FGF14: variants seen among roughly 807,000 people sequenced by gnomAD.
FGF14 encodes fibroblast growth factor homologous factor 4.
A neutral mutation model predicts 25.5 loss-of-function variants in FGF14; 5 were observed. That is an observed-to-expected ratio of 0.20 (90% CI 0.10 to 0.41). FGF14 has a LOEUF of 0.41. Among genes scored for constraint, FGF14 ranks in the 10% least tolerant of loss-of-function variants. The pLI is 1.00. For synonymous variants in FGF14, 138 were observed against 118.3 expected (o/e 1.17, Z -1.08); for missense variants, 222 against 320.1 (o/e 0.69, Z 2.34).
intron 3 of FGF14, among the ~76,000 whole-genome samples, chr13:101,804,142 G>A (rs1200898737): frequency 6.6e-6 from 1 of 152,224 alleles, no homozygotes; most frequent in Non-Finnish European, 1.5e-5. Context: ...TATGTCTACG[G>A]TTACTTCAAA....
intron 3 of FGF14, among the ~76,000 whole-genome samples, chr13:101,788,259 G>A (rs1019694264): frequency 2.0e-5 from 3 of 152,112 alleles, no homozygotes; most frequent in East Asian, 1.9e-4. Flanking sequence ...AGGGCAGGGT[G>A]ACCCAGTGAT....
intron 3 of FGF14, among the ~76,000 whole-genome samples, chr13:101,763,632 G>A (rs1414974571): frequency 6.6e-6 from 1 of 152,114 alleles, no homozygotes. Context: ...GCCAAGGCAG[G>A]TGGATCACCT....
intron 1 of FGF14, among the ~76,000 whole-genome samples, chr13:102,052,464 A>G (rs189537561): frequency 5.1e-4 from 78 of 151,906 alleles, no homozygotes; most frequent in African/African-American, 1.7e-3. Flanking sequence ...TGGATTTCTG[A>G]AAATTTTTGA....
chr13:102,339,535 G>A (rs1357180510), intron 1 of FGF14, among the ~76,000 whole-genome samples: 2 of 152,158 alleles, frequency 1.3e-5, no homozygotes, highest in African/African-American at 4.8e-5. Context: ...TCCAAGGGGT[G>A]AGGTGAGAGC....
chr13:102,307,546 C>CT (rs1475934285), intron 1 of FGF14, among the ~76,000 whole-genome samples: 1 of 152,054 alleles, frequency 6.6e-6, no homozygotes, highest in Non-Finnish European at 1.5e-5. Flanking sequence ...TTTTTATGAA[C>CT]TTTTAAGACT....
intron 1 of FGF14, among the ~76,000 whole-genome samples, chr13:102,189,107 GAGAT>G (rs796268731): frequency 3.9e-4 from 59 of 150,214 alleles, no homozygotes; most frequent in South Asian, 1.3e-3. Context: ...GAGGGAGAGA[GAGAT>G]AGAGAGAGAG....
chr13:101,854,636 A>G (rs538868779), intron 3 of FGF14, among the ~76,000 whole-genome samples: 109 of 152,198 alleles, frequency 7.2e-4, no homozygotes, highest in African/African-American at 2.5e-3. Flanking sequence ...TCATGTTGTA[A>G]AAAGTCATTC....
chr13:101,838,086 G>T (rs2043011580), intron 3 of FGF14, among the ~76,000 whole-genome samples: 1 of 151,928 alleles, frequency 6.6e-6, no homozygotes, highest in African/African-American at 2.4e-5. Flanking sequence ...TCCTCAGCTT[G>T]CAGAAGGCCT....
At chr13:102,393,269 C>T (rs1415933400) in intron 1 of FGF14, among the ~76,000 whole-genome samples, 1 of 152,164 alleles carries the variant, frequency 6.6e-6, no homozygotes, top group Non-Finnish European at 1.5e-5. Flanking sequence ...GTCTTTCCTG[C>T]TAATTCCTTG....
chr13:101,787,005 C>T (rs2039874111), intron 3 of FGF14, among the ~76,000 whole-genome samples: 1 of 152,138 alleles, frequency 6.6e-6, no homozygotes, highest in East Asian at 1.9e-4. Context: ...TTCTAACATA[C>T]AATCTGTCTT....
At chr13:102,317,981 T>C (rs577109222) in intron 1 of FGF14, among the ~76,000 whole-genome samples, 1 of 152,300 alleles carries the variant, frequency 6.6e-6, no homozygotes, top group East Asian at 1.9e-4. Flanking sequence ...ACCATAGACA[T>C]CGGCCCCAGT....
intron 1 of FGF14, among the ~76,000 whole-genome samples, chr13:102,078,529 T>C (rs1317737204): frequency 2.6e-5 from 4 of 152,152 alleles, no homozygotes; most frequent in Non-Finnish European, 4.4e-5. Flanking sequence ...GCAATCTGTA[T>C]CGTAATGCAG....
intron 1 of FGF14, among the ~76,000 whole-genome samples, chr13:102,297,325 A>C (rs1448592019): frequency 2.6e-5 from 4 of 152,158 alleles, no homozygotes; most frequent in African/African-American, 4.8e-5. Flanking sequence ...GACCCCTAAA[A>C]AGACAGACGA....
At chr13:102,016,710 T>C (rs984521807) in intron 1 of FGF14, among the ~76,000 whole-genome samples, 3 of 152,176 alleles carry the variant, frequency 2.0e-5, no homozygotes, top group African/African-American at 7.2e-5. Flanking sequence ...GGCCTTGAAC[T>C]CCTGGGCTCA....
chr13:102,082,299 C>G (rs970499032), intron 1 of FGF14, among the ~76,000 whole-genome samples: 1 of 149,768 alleles, frequency 6.7e-6, no homozygotes, highest in African/African-American at 2.5e-5. Flanking sequence ...CACAACTATT[C>G]CTTAGCATTA....
intron 1 of FGF14, among the ~76,000 whole-genome samples, chr13:102,110,838 C>T (rs1181674230): frequency 6.6e-6 from 1 of 151,972 alleles, no homozygotes; most frequent in East Asian, 1.9e-4. Flanking sequence ...CCTTTTTTGC[C>T]TCTCCTGCCT....
chr13:102,118,658 A>G (rs569171785), intron 1 of FGF14, among the ~76,000 whole-genome samples: 6 of 152,154 alleles, frequency 3.9e-5, no homozygotes, highest in Non-Finnish European at 8.8e-5. Flanking sequence ...AAAATTCACT[A>G]TATTTCCTTC....
intron 1 of FGF14, among the ~76,000 whole-genome samples, chr13:102,067,285 G>A (rs2042942842): frequency 6.6e-6 from 1 of 152,100 alleles, no homozygotes; most frequent in Non-Finnish European, 1.5e-5. Flanking sequence ...TGACCACTCA[G>A]CTACAGTGAC....
intron 1 of FGF14, among the ~76,000 whole-genome samples, chr13:101,912,807 C>T (rs1318283211): frequency 1.3e-5 from 2 of 152,026 alleles, no homozygotes; most frequent in Non-Finnish European, 2.9e-5. Flanking sequence ...AGTTAGATCA[C>T]TCTGGTTCAA....
Sources: allele counts gnomAD v4.1 joint callset (sites outside exome capture counted in the v4.1 genomes callset), GRCh38; gene constraint gnomAD v4.1.1; transcripts MANE v1.5; gene names NCBI Gene and HGNC (gene_info 2026-07-23, HGNC 2026-07-21).